PLEKHA6: variants seen among roughly 807,000 people sequenced by gnomAD.
PLEKHA6 encodes pleckstrin homology domain containing A6, also known as pleckstrin homology domain-containing family A member 6.
PLEKHA6 carries 60 observed loss-of-function variants against 116.7 expected under a neutral mutation model. That is an observed-to-expected ratio of 0.51 (90% CI 0.42 to 0.64). The LOEUF (loss-of-function observed/expected upper bound fraction) is 0.64, where lower values mean the gene tolerates loss of function less well. Among genes scored for constraint, PLEKHA6 ranks in the 30% least tolerant of loss-of-function variants. PLEKHA6 has a pLI of 0.00. For missense variants in PLEKHA6, 1,338 were observed against 1,422.7 expected (o/e 0.94, Z 0.96); for synonymous variants, 489 against 556.1 (o/e 0.88, Z 1.70).
At chr1:204,303,019 A>G (rs1221264107) in intron 1 of PLEKHA6, among the ~76,000 whole-genome samples, 1 of 152,210 alleles carries the variant, frequency 6.6e-6, no homozygotes, top group East Asian at 1.9e-4. Context: ...TCTTTAATTT[A>G]CACTTCTTGG....
chr1:204,283,824 A>T (rs576856247), intron 1 of PLEKHA6, among the ~76,000 whole-genome samples: 4 of 152,338 alleles, frequency 2.6e-5, no homozygotes, highest in Admixed American at 1.3e-4. Context: ...CTTTAGTCTG[A>T]CAACAGCTGC....
intron 1 of PLEKHA6, among the ~76,000 whole-genome samples, chr1:204,328,050 AT>A (rs1672306802): frequency 3.2e-4 from 1 of 3,116 alleles, no homozygotes; most frequent in Admixed American, 2.5e-3. Context: ...TATTTATTTT[AT>A]TTATTTATTT....
chr1:204,376,223 GAA>G (rs1490246674), intron 1 of PLEKHA6, among the ~76,000 whole-genome samples: 1 of 152,220 alleles, frequency 6.6e-6, no homozygotes, highest in African/African-American at 2.4e-5. Flanking sequence ...CAGGAAGAAA[GAA>G]GAGAATGAAC....
At position 204,261,194 on chromosome 1, in the gene PLEKHA6, T is replaced by A. The variant is rs1300778481; in HGVS notation, c.524+112A>T. The A allele has an allele frequency of 2.3e-6, 3 of 1,306,868 alleles. No homozygotes were observed. Among genetic ancestry groups the A allele is most frequent in the Non-Finnish European group, 3.3e-6 (3 of 908,098 alleles). 81.0% of individuals were successfully genotyped at this position (1,306,868 alleles called of 1,614,324 possible). On this transcript the variant is annotated intron_variant, in intron 7 of 22. Transcript: ENST00000272203. This position sits in a 1 kb window ranked among gnomAD's most constrained non-coding sequence, Gnocchi z 4.0. The stretch of plus-strand genomic sequence containing the variant: ...ATGCAAGGAGACGGCTCACACATTC[T>A]CCAGGGCTTCAAGTAGGCACACTGG...
chr1:204,297,929 G>C, intron 1 of PLEKHA6: 1 of 982,846 alleles, frequency 1.0e-6, no homozygotes. Context: ...CCCCTTTGCT[G>C]TCCTCCCCCT....
upstream of PLEKHA6, among the ~76,000 whole-genome samples, chr1:204,360,853 G>C (rs1374801650): frequency 6.6e-6 from 1 of 152,166 alleles, no homozygotes; most frequent in African/African-American, 2.4e-5. Context: ...TCAGACAATA[G>C]GGTCGTAGCT....
intron 11 of PLEKHA6, 79 bp from the exon 12 acceptor site, chr1:204,249,049 A>C: frequency 6.5e-7 from 1 of 1,542,310 alleles, no homozygotes; most frequent in Non-Finnish European, 8.9e-7. Context: ...CTGAGCCCTT[A>C]GAGGTTCAAC....
At chr1:204,241,839 G>A in intron 15 of PLEKHA6, 25 bp from the exon 16 acceptor site, 1 of 1,613,566 alleles carries the variant, frequency 6.2e-7, no homozygotes, top group South Asian at 1.1e-5. Context: ...TGAGAAGATG[G>A]TTGATGTTAG....
chr1:204,238,487 T>A lies in PLEKHA6; in HGVS notation c.2409+2888A>T, dbSNP rs1662369116. Among the ~76,000 whole-genome samples the A allele has an allele frequency of 6.6e-6, 1 of 152,214 alleles. No individual in the cohort carries two copies. The highest frequency in any genetic ancestry group is 2.4e-5 in the African/African-American group (1 of 41,448). On this transcript the variant is annotated intron_variant, in intron 17 of 22. Coordinates refer to ENST00000272203, the MANE Select transcript of PLEKHA6 (RefSeq NM_014935.5). This position sits in a 1 kb window ranked among gnomAD's most constrained non-coding sequence, Gnocchi z 4.2. Reference sequence around the variant, plus strand: ...AAGTCACCATGCGACCTGAACTGCCTATCATGAACAGGGTGCTTTCTGACC... The same window carrying A: ...AAGTCACCATGCGACCTGAACTGCCAATCATGAACAGGGTGCTTTCTGACC...
chr1:204,356,521 T>G (rs1389240638), intron 1 of PLEKHA6, among the ~76,000 whole-genome samples: 1 of 151,970 alleles, frequency 6.6e-6, no homozygotes, highest in African/African-American at 2.4e-5. Flanking sequence ...GAGCAGAGAT[T>G]GTACCACAGC....
At chr1:204,336,110 G>A (rs1208920604) in intron 1 of PLEKHA6, among the ~76,000 whole-genome samples, 1 of 152,058 alleles carries the variant, frequency 6.6e-6, no homozygotes, top group Non-Finnish European at 1.5e-5. Context: ...CACACCCACT[G>A]AGCCCCCAAA....
At chr1:204,306,132 A>G (rs573573117) in intron 1 of PLEKHA6, among the ~76,000 whole-genome samples, 1 of 151,950 alleles carries the variant, frequency 6.6e-6, no homozygotes, top group African/African-American at 2.4e-5. Flanking sequence ...TCCTCCTCCA[A>G]TGTATATCTC....
intron 1 of PLEKHA6, chr1:204,325,812 G>T (rs550481579): frequency 3.1e-6 from 2 of 645,548 alleles, no homozygotes; most frequent in South Asian, 6.8e-5. Context: ...TGTCCCTAAG[G>T]TCACTTAGTC....
intron 1 of PLEKHA6, among the ~76,000 whole-genome samples, chr1:204,343,025 G>A (rs1015583154): frequency 2.0e-5 from 3 of 152,158 alleles, no homozygotes; most frequent in Admixed American, 2.0e-4. Context: ...GAGGCTTTGG[G>A]CTCCCCTTGA....
chr1:204,374,876 C>T (rs1673839216), intron 1 of PLEKHA6, among the ~76,000 whole-genome samples: 1 of 152,142 alleles, frequency 6.6e-6, no homozygotes, highest in African/African-American at 2.4e-5. Context: ...GTTTCTGTTC[C>T]CAGCTCTCTC....
chr1:204,225,803 C>T lies in PLEKHA6; in HGVS notation c.3032-2218G>A, dbSNP rs368257307. 5.1e-4 allele frequency among the ~76,000 whole-genome samples: 78 copies of T among 152,270 alleles called. 2 individuals carry two copies. In the South Asian group the frequency reaches 0.014, roughly 28 times the overall value. On this transcript the variant is annotated intron_variant, in intron 21 of 22. Coordinates refer to ENST00000272203, the MANE Select transcript of PLEKHA6 (RefSeq NM_014935.5). Reference sequence around the variant, plus strand: ...TACATTTGTACTCAAACCTTTCCTCCACTCTCACACTGCATACTTGAATAC... The same window carrying T: ...TACATTTGTACTCAAACCTTTCCTCTACTCTCACACTGCATACTTGAATAC...
intron 21 of PLEKHA6, among the ~76,000 whole-genome samples, chr1:204,225,491 C>T (rs374491749): frequency 2.9e-4 from 44 of 152,324 alleles, no homozygotes; most frequent in African/African-American, 1.1e-3. Flanking sequence ...ACATTCATGA[C>T]ACTGTACTTT....
At chr1:204,262,035 G>A (rs533119382) in intron 6 of PLEKHA6, 10 of 154,784 alleles carry the variant, frequency 6.5e-5, no homozygotes, top group East Asian at 1.9e-4. Flanking sequence ...GGGTCCTCAC[G>A]CGGTCAGAAG....
chr1:204,258,323 G>C (rs1665636776), intron 8 of PLEKHA6, among the ~76,000 whole-genome samples: 1 of 152,108 alleles, frequency 6.6e-6, no homozygotes, highest in African/African-American at 2.4e-5. Flanking sequence ...GAATACAGTG[G>C]GGCCATCAAG....
Sources: gnomAD v4.1 joint callset for allele counts (sites outside exome capture counted in the v4.1 genomes callset) on GRCh38, gnomAD v4.1.1 for gene constraint, Gnocchi (gnomAD v3.1) non-coding constraint, MANE v1.5 for transcripts, NCBI Gene and HGNC (gene_info 2026-07-23, HGNC 2026-07-21) for gene names.